Variants in TBC1D22A observed in about 807,000 individuals in gnomAD.
The protein encoded by TBC1D22A is TBC1 domain family member 22A.
TBC1D22A carries 38 observed loss-of-function variants against 60.2 expected under a neutral mutation model. That is an observed-to-expected ratio of 0.63 (90% CI 0.49 to 0.83). The LOEUF is 0.83. Ranked by LOEUF, TBC1D22A falls within the 40% of genes least tolerant of loss-of-function variation. TBC1D22A has a pLI of 0.00. For missense variants in TBC1D22A, 628 were observed against 701.0 expected, an observed-to-expected ratio of 0.90 and a Z score of 1.18; for synonymous variants, 302 against 281.7, an observed-to-expected ratio of 1.07 and a Z score of -0.72.
intron 5 of TBC1D22A, among the ~76,000 whole-genome samples, chr22:46,882,417 C>T (rs2147522013): frequency 6.6e-6 from 1 of 152,270 alleles, no homozygotes; most frequent in Admixed American, 6.5e-5. Flanking sequence ...GTGCCCAGGG[C>T]TGAAGACGGC....
At chr22:46,890,797 C>T (rs964977539) in intron 5 of TBC1D22A, among the ~76,000 whole-genome samples, 1 of 152,184 alleles carries the variant, frequency 6.6e-6, no homozygotes, top group African/African-American at 2.4e-5. Context: ...AGTACGTACA[C>T]ACGTATGTGT....
intron 9 of TBC1D22A, among the ~76,000 whole-genome samples, chr22:46,976,572 C>A (rs371349659): frequency 1.3e-5 from 2 of 152,226 alleles, no homozygotes; most frequent in Non-Finnish European, 2.9e-5. Context: ...CGCAGACCGG[C>A]GTGTCAGCTC....
chr22:47,090,262 C>T (rs544705605), intron 11 of TBC1D22A, among the ~76,000 whole-genome samples: 12 of 152,314 alleles, frequency 7.9e-5, no homozygotes, highest in East Asian at 1.9e-4. Flanking sequence ...TGTCTCCACC[C>T]GGCACACACT....
chr22:46,942,026 T>TATATTA (rs1555960666), intron 8 of TBC1D22A, among the ~76,000 whole-genome samples: 6 of 137,396 alleles, frequency 4.4e-5, no homozygotes, highest in East Asian at 2.1e-4. Flanking sequence ...TATATATATA[T>TATATTA]TATATATATA....
intron 7 of TBC1D22A, among the ~76,000 whole-genome samples, chr22:46,899,062 C>T (rs918885651): frequency 6.6e-6 from 1 of 152,178 alleles, no homozygotes; most frequent in African/African-American, 2.4e-5. Flanking sequence ...CTCCTGCAGG[C>T]TGGCAGAGTG....
intron 11 of TBC1D22A, among the ~76,000 whole-genome samples, chr22:47,094,233 G>A (rs2065086136): frequency 6.6e-6 from 1 of 152,212 alleles, no homozygotes; most frequent in Non-Finnish European, 1.5e-5. Context: ...TAAAACAAAT[G>A]TTAAGTTTTA....
At chr22:47,056,211 C>T (rs970734064) in intron 11 of TBC1D22A, among the ~76,000 whole-genome samples, 1 of 152,058 alleles carries the variant, frequency 6.6e-6, no homozygotes, top group African/African-American at 2.4e-5. Context: ...TGCTGCTCCC[C>T]AGCCGTGGTG....
At chr22:46,814,567 C>CTG (rs368216928) in intron 4 of TBC1D22A, among the ~76,000 whole-genome samples, 1,998 of 152,086 alleles carry the variant, frequency 0.013, 46 homozygotes, top group African/African-American at 0.046. Context: ...TTTGTGAGGG[C>CTG]TGTGTGTGTG....
intron 8 of TBC1D22A, among the ~76,000 whole-genome samples, chr22:46,956,527 A>G (rs1339548276): frequency 6.6e-6 from 1 of 152,272 alleles, no homozygotes; most frequent in Non-Finnish European, 1.5e-5. Flanking sequence ...TTGTCCGTAT[A>G]GAGAGACTTA....
chr22:46,769,306 C>T (rs558728774), intron 1 of TBC1D22A, among the ~76,000 whole-genome samples: 10 of 152,236 alleles, frequency 6.6e-5, no homozygotes, highest in East Asian at 1.9e-4. Context: ...CGTCCTCAGC[C>T]GAAGGAGAGG....
At chr22:46,797,141 C>A (rs916637531) in intron 3 of TBC1D22A, among the ~76,000 whole-genome samples, 8 of 152,224 alleles carry the variant, frequency 5.3e-5, no homozygotes, top group African/African-American at 1.7e-4. Flanking sequence ...GATCTGCCAC[C>A]CCAGGCACTG....
intron 10 of TBC1D22A, among the ~76,000 whole-genome samples, chr22:47,003,742 TGTACACACACACC>T (rs150127619): frequency 0.22 from 26,435 of 120,502 alleles, 3,454 homozygotes; most frequent in East Asian, 0.26. Flanking sequence ...CACACATGCC[TGTACACACACACC>T]GTACACACAC....
At chr22:47,012,860 G>T (rs184031249) in intron 10 of TBC1D22A, among the ~76,000 whole-genome samples, 1 of 152,130 alleles carries the variant, frequency 6.6e-6, no homozygotes, top group Non-Finnish European at 1.5e-5. Context: ...CAGTTGTTCC[G>T]AGAGCTCATC....
At chr22:46,845,163 G>A (rs2086935405) in intron 4 of TBC1D22A, among the ~76,000 whole-genome samples, 1 of 152,248 alleles carries the variant, frequency 6.6e-6, no homozygotes, top group Non-Finnish European at 1.5e-5. Flanking sequence ...GAACGTAACA[G>A]TGGGATATTG....
chr22:46,819,158 A>G (rs1314488292), intron 4 of TBC1D22A, among the ~76,000 whole-genome samples: 1 of 152,196 alleles, frequency 6.6e-6, no homozygotes, highest in East Asian at 1.9e-4. Flanking sequence ...TTTTCTAAAT[A>G]TAAAATCATG....
At chr22:46,871,835 C>A (rs956902912) in intron 4 of TBC1D22A, among the ~76,000 whole-genome samples, 1 of 151,922 alleles carries the variant, frequency 6.6e-6, no homozygotes, top group Admixed American at 6.6e-5. Context: ...GGTGAAAAAT[C>A]AATAAACTGA....
intron 2 of TBC1D22A, among the ~76,000 whole-genome samples, chr22:46,793,141 A>T (rs1305945617): frequency 6.6e-6 from 1 of 152,244 alleles, no homozygotes; most frequent in Non-Finnish European, 1.5e-5. Context: ...CACCCTGCAC[A>T]GGCGCTCCTG....
chr22:46,764,081 C>G (rs532163256), intron 1 of TBC1D22A: 1 of 151,456 alleles, frequency 6.6e-6, no homozygotes, highest in Non-Finnish European at 1.5e-5. Flanking sequence ...GCAATAAGAG[C>G]GAAACTCTGT....
Position 47,162,217 on chromosome 22 carries a change from T to C in TBC1D22A, c.1426-11281T>C, listed in dbSNP as rs1240433222. Reference sequence around the variant, plus strand: ...CATTTGAAAGGTTTTTTTTTTTTTTTAAGGTTTTGTGTATTGAACTTACCG... The same window carrying C: ...CATTTGAAAGGTTTTTTTTTTTTTTCAAGGTTTTGTGTATTGAACTTACCG... On this transcript the variant is annotated intron_variant, in intron 12 of 12. Coordinates refer to ENST00000337137, the MANE Select transcript of TBC1D22A (RefSeq NM_014346.5). Among the ~76,000 whole-genome samples the C allele has an allele frequency of 2.7e-5, 4 of 147,670 alleles. No individual in the cohort carries two copies. The East Asian group carries it at 7.7e-4, about 29-fold the overall frequency.
Sources: allele counts gnomAD v4.1 joint callset (sites outside exome capture counted in the v4.1 genomes callset), GRCh38; gene constraint gnomAD v4.1.1; transcripts MANE v1.5; gene names NCBI Gene and HGNC (gene_info 2026-07-23, HGNC 2026-07-21).